PCDH15: variants seen among roughly 807,000 people sequenced by gnomAD.
PCDH15 encodes protocadherin related 15.
Under a neutral mutation model 178.5 loss-of-function variants are expected in PCDH15, and 129 were observed. The observed-to-expected ratio is 0.72, with a 90% CI of 0.63 to 0.84. The LOEUF (loss-of-function observed/expected upper bound fraction) is 0.84, where lower values mean the gene tolerates loss of function less well. Among genes scored for constraint, PCDH15 ranks in the 40% least tolerant of loss-of-function variants. The pLI is 0.00. For missense variants in PCDH15, 2,230 were observed against 2,099.9 expected (o/e 1.06, Z -1.21); for synonymous variants, 800 against 732.0 (o/e 1.09, Z -1.50).
chr10:54,137,917 G>A (rs1049064717), intron 14 of PCDH15, among the ~76,000 whole-genome samples: 11 of 152,072 alleles, frequency 7.2e-5, no homozygotes, highest in Non-Finnish European at 1.3e-4. Flanking sequence ...AGTCTTAGAA[G>A]GCCTCCTAAG....
At chr10:55,555,302 C>T (rs569539242) in intron 2 of PCDH15, among the ~76,000 whole-genome samples, 2 of 152,166 alleles carry the variant, frequency 1.3e-5, no homozygotes, top group Admixed American at 6.5e-5. Flanking sequence ...ATAATTTTCC[C>T]TTGTTCAAAA....
chr10:55,283,161 C>G (rs942700472), intron 1 of PCDH15, among the ~76,000 whole-genome samples: 10 of 152,052 alleles, frequency 6.6e-5, no homozygotes, highest in Non-Finnish European at 1.3e-4. Flanking sequence ...AACCTAAGAT[C>G]AGTGTTTGAG....
At chr10:53,868,881 A>G (rs532957857) in intron 26 of PCDH15, among the ~76,000 whole-genome samples, 2 of 152,084 alleles carry the variant, frequency 1.3e-5, no homozygotes, top group African/African-American at 4.8e-5. Flanking sequence ...GTGCCATGGC[A>G]TAAACTCGGC....
At chr10:53,954,081 C>T (rs531096703) in intron 23 of PCDH15, among the ~76,000 whole-genome samples, 75 of 152,270 alleles carry the variant, frequency 4.9e-4, no homozygotes, top group African/African-American at 7.2e-4. Flanking sequence ...TGAGCAACTG[C>T]GCCCGGCTGT....
intron 20 of PCDH15, among the ~76,000 whole-genome samples, chr10:54,019,669 C>T (rs1047784418): frequency 1.3e-5 from 2 of 152,000 alleles, no homozygotes; most frequent in African/African-American, 4.8e-5. Context: ...GATAACAAAT[C>T]CAGAGAGGTT....
intron 2 of PCDH15, among the ~76,000 whole-genome samples, chr10:54,630,252 C>A (rs76484467): frequency 6.6e-6 from 1 of 152,138 alleles, no homozygotes; most frequent in African/African-American, 2.4e-5. Context: ...ATCACATTAC[C>A]TGTTTTCAAA....
chr10:54,207,364 T>TTG lies in PCDH15; in HGVS notation c.1098+6570_1098+6571dup, dbSNP rs746250247. Among the ~76,000 whole-genome samples, 440 of 87,580 alleles carry TTG rather than the reference T, an allele frequency of 5.0e-3. 2 individuals carry two copies. Among genetic ancestry groups the TTG allele is most frequent in the African/African-American group, 9.7e-3 (173 of 17,800 alleles). The allele number at this position is 87,580 out of a possible 152,430, so 57.5% of individuals were successfully genotyped here. A position where few individuals can be genotyped will look rare whatever the true frequency, so the allele number is the denominator to read the frequency against. On this transcript the variant is annotated intron_variant, in intron 10 of 37. Coordinates refer to ENST00000644397, the MANE Select transcript of PCDH15 (RefSeq NM_001384140.1). ...GAAGAAACACAAATACTGTTTTGTT[T>TTG]TGTGTGTGTGTGTATGTGTGTGTGT...
chr10:55,068,863 C>G (rs1279039867), intron 2 of PCDH15, among the ~76,000 whole-genome samples: 1 of 151,502 alleles, frequency 6.6e-6, no homozygotes, highest in Non-Finnish European at 1.5e-5. Flanking sequence ...TTTTTTGTAG[C>G]TATTGTAAAT....
chr10:54,789,565 A>C (rs1331738519), intron 1 of PCDH15, among the ~76,000 whole-genome samples: 3 of 151,904 alleles, frequency 2.0e-5, no homozygotes, highest in African/African-American at 4.8e-5. Flanking sequence ...AATCATAATC[A>C]CTATTTTACA....
At chr10:54,097,632 T>A (rs3858269) in intron 15 of PCDH15, among the ~76,000 whole-genome samples, 96,154 of 152,080 alleles carry the variant, frequency 0.63, 31,126 homozygotes, top group Middle Eastern at 0.74. Context: ...ATTTTGTCTT[T>A]TTTATTTACT....
intron 9 of PCDH15, among the ~76,000 whole-genome samples, chr10:54,235,234 AC>A (rs2054508050): frequency 6.6e-6 from 1 of 152,108 alleles, no homozygotes; most frequent in Non-Finnish European, 1.5e-5. Flanking sequence ...AGCATTCACA[AC>A]TTTCTAACTT....
At chr10:55,141,872 C>A (rs1838362020) in intron 2 of PCDH15, among the ~76,000 whole-genome samples, 1 of 144,596 alleles carries the variant, frequency 6.9e-6, no homozygotes, top group Non-Finnish European at 1.5e-5. Flanking sequence ...TTTTTTTTTA[C>A]ATTCTTTAAT....
chr10:55,542,539 C>T (rs190595666), intron 2 of PCDH15, among the ~76,000 whole-genome samples: 9 of 149,880 alleles, frequency 6.0e-5, no homozygotes, highest in African/African-American at 1.9e-4. Flanking sequence ...TACATATGTA[C>T]AGGATATCAG....
chr10:54,639,392 T>A (rs1017856693), intron 2 of PCDH15, among the ~76,000 whole-genome samples: 6 of 152,120 alleles, frequency 3.9e-5, no homozygotes, highest in Admixed American at 1.3e-4. Flanking sequence ...TATAAAGTAT[T>A]TCTTGGAGCC....
At chr10:54,735,107 C>G (rs11004524) in intron 1 of PCDH15, among the ~76,000 whole-genome samples, 19,083 of 151,892 alleles carry the variant, frequency 0.13, 1,358 homozygotes, top group African/African-American at 0.18. Flanking sequence ...GGTATATTAA[C>G]CACTTTATTA....
At chr10:55,525,283 A>G (rs1408605326) in intron 2 of PCDH15, among the ~76,000 whole-genome samples, 1 of 151,884 alleles carries the variant, frequency 6.6e-6, no homozygotes, top group African/African-American at 2.4e-5. Context: ...TAGAAAAACA[A>G]ATGGCTTTTT....
rs74926974 is a variant in PCDH15 at position 55,277,691 on chromosome 10, G to C, written c.-156+41908C>G. On this transcript the variant is annotated intron_variant, in intron 1 of 5. Coordinates refer to the PCDH15 transcript ENST00000458638. ...TAATGTAGAACTCGTCTCAGAGCTT[G>C]TCAGCTCTGAGATGATTTTTCTTCA... 7.7e-3 allele frequency among the ~76,000 whole-genome samples: 1,164 copies of C among 151,896 alleles called. 9 individuals are homozygous for C. Among genetic ancestry groups the C allele is most frequent in the African/African-American group, 0.026 (1,075 of 41,430 alleles).
intron 2 of PCDH15, among the ~76,000 whole-genome samples, chr10:55,330,594 A>G (rs1366780697): frequency 6.6e-6 from 1 of 151,914 alleles, no homozygotes; most frequent in African/African-American, 2.4e-5. Flanking sequence ...TTTTTAACAT[A>G]AATTAAGCAG....
At chr10:54,190,145 A>G (rs1431947201) in intron 11 of PCDH15, among the ~76,000 whole-genome samples, 1 of 152,108 alleles carries the variant, frequency 6.6e-6, no homozygotes, top group Admixed American at 6.6e-5. Context: ...ACTTTCCACT[A>G]AATTAAAGGG....
Sources: gnomAD v4.1 joint callset for allele counts (sites outside exome capture counted in the v4.1 genomes callset) on GRCh38, gnomAD v4.1.1 for gene constraint, MANE v1.5 for transcripts, NCBI Gene and HGNC (gene_info 2026-07-23, HGNC 2026-07-21) for gene names.